The following SGK1 variants were observed in gnomAD, a reference collection of about 807,000 sequenced individuals.
SGK1 encodes serine/threonine-protein kinase Sgk1.
Under a neutral mutation model 64.2 loss-of-function variants are expected in SGK1, and 26 were observed. The observed-to-expected ratio is 0.40, with a 90% CI of 0.30 to 0.56. The LOEUF is 0.56. Ranked by LOEUF, SGK1 falls within the 20% of genes least tolerant of loss-of-function variation. SGK1 has a pLI of 0.38. For synonymous variants in SGK1, 265 were observed against 239.7 expected, an observed-to-expected ratio of 1.11 and a Z score of -0.98; for missense variants, 519 against 645.6, an observed-to-expected ratio of 0.80 and a Z score of 2.12.
chr6:134,216,910 G>A (rs1474368985), intron 2 of SGK1, among the ~76,000 whole-genome samples: 1 of 152,170 alleles, frequency 6.6e-6, no homozygotes, highest in African/African-American at 2.4e-5. Context: ...ACTCAACAAG[G>A]CACATTTGGG....
intron 2 of SGK1, among the ~76,000 whole-genome samples, chr6:134,220,495 G>C (rs1776073444): frequency 6.6e-6 from 1 of 152,170 alleles, no homozygotes; most frequent in Non-Finnish European, 1.5e-5. Context: ...GCAGTTTAGA[G>C]CATGAGCTCT....
intron 2 of SGK1, among the ~76,000 whole-genome samples, chr6:134,250,639 AT>A: frequency 6.6e-6 from 1 of 152,250 alleles, no homozygotes; most frequent in Admixed American, 6.5e-5. Flanking sequence ...TCAAGGTGAT[AT>A]TAATGGTTTG....
In SGK1 at chr6:134,206,383, A is replaced by ATTTTTTTTT. The variant is rs869072819; in HGVS notation, c.361+964_361+972dup. Among the ~76,000 whole-genome samples the ATTTTTTTTT allele has an allele frequency of 3.0e-3, 49 of 16,550 alleles. 2 individuals are homozygous for ATTTTTTTTT. Among genetic ancestry groups the ATTTTTTTTT allele is most frequent in the South Asian group, 0.012 (4 of 342 alleles). The allele number at this position is 16,550 out of a possible 152,430, so 10.9% of individuals were successfully genotyped here. A position where few individuals can be genotyped will look rare whatever the true frequency, so the allele number is the denominator to read the frequency against. On this transcript the variant is annotated intron_variant, in intron 3 of 13. Transcript: ENST00000367858. The stretch of plus-strand genomic sequence containing the variant: ...TATATATATATATATATATATATAT[A>ATTTTTTTTT]TTTTTTTTTTTTTTTTTTTTTTTTA...
intron 2 of SGK1, among the ~76,000 whole-genome samples, chr6:134,219,674 C>A (rs570372302): frequency 7.1e-6 from 1 of 140,190 alleles, no homozygotes; most frequent in African/African-American, 2.6e-5. Context: ...GCAGGAGAAT[C>A]GCTTGAATGA....
intron 1 of SGK1, chr6:134,298,134 T>A: frequency 7.6e-7 from 1 of 1,319,528 alleles, no homozygotes; most frequent in East Asian, 2.3e-5. Flanking sequence ...TCCTTCTTGA[T>A]GAGGACAGAT....
intron 2 of SGK1, among the ~76,000 whole-genome samples, chr6:134,241,052 T>TTC (rs1554223735): frequency 1.2e-3 from 35 of 28,070 alleles, no homozygotes; most frequent in African/African-American, 1.9e-3. Flanking sequence ...TTTTTTCTTT[T>TTC]TTTTTTTTTT....
At chr6:134,291,579 G>C (rs1777264690) in intron 1 of SGK1, among the ~76,000 whole-genome samples, 1 of 152,138 alleles carries the variant, frequency 6.6e-6, no homozygotes, top group Admixed American at 6.5e-5. Context: ...CTGTCTCCCT[G>C]TTCTGCCTCA....
chr6:134,238,961 T>A (rs960335907), intron 2 of SGK1, among the ~76,000 whole-genome samples: 2 of 152,220 alleles, frequency 1.3e-5, no homozygotes, highest in African/African-American at 2.4e-5. Flanking sequence ...GTAAATATTC[T>A]AAAATACTTC....
At chr6:134,271,927 C>T (rs1486470920) in intron 1 of SGK1, among the ~76,000 whole-genome samples, 4 of 146,758 alleles carry the variant, frequency 2.7e-5, no homozygotes, top group African/African-American at 9.8e-5. Context: ...CTGCAACCTC[C>T]ACCTCCCAGG....
intron 1 of SGK1, among the ~76,000 whole-genome samples, chr6:134,306,018 G>A (rs1175239393): frequency 6.6e-6 from 1 of 152,172 alleles, no homozygotes; most frequent in East Asian, 1.9e-4. Context: ...AGAGAAGGAA[G>A]GTCCTTGTCC....
chr6:134,217,004 T>A (rs1413782613), intron 2 of SGK1, among the ~76,000 whole-genome samples: 1 of 152,174 alleles, frequency 6.6e-6, no homozygotes, highest in East Asian at 1.9e-4. Context: ...GCTTTAAATG[T>A]CAATGTGTTC....
chr6:134,175,623 G>C, intron 3 of SGK1: 3 of 1,537,248 alleles, frequency 2.0e-6, no homozygotes, highest in Non-Finnish European at 2.6e-6. Context: ...GCAGGGACTC[G>C]AGCCGGGCTC....
At chr6:134,250,040 C>A (rs9373086) in intron 2 of SGK1, among the ~76,000 whole-genome samples, 14,805 of 152,170 alleles carry the variant, frequency 0.097, 1,130 homozygotes, top group East Asian at 0.39. Context: ...ATGCCAAGTT[C>A]CTGAATTTTT....
intron 2 of SGK1, among the ~76,000 whole-genome samples, chr6:134,225,731 T>C (rs1286847004): frequency 6.6e-6 from 1 of 152,004 alleles, no homozygotes; most frequent in African/African-American, 2.4e-5. Flanking sequence ...CTTTAAAATC[T>C]TATCCAGTCT....
intron 3 of SGK1, among the ~76,000 whole-genome samples, chr6:134,191,271 A>G (rs547961176): frequency 6.6e-6 from 1 of 152,330 alleles, no homozygotes; most frequent in Admixed American, 6.5e-5. Context: ...TCATGAGCAG[A>G]CTTTTTACCA....
chr6:134,302,552 A>G (rs1194872827), intron 1 of SGK1, among the ~76,000 whole-genome samples: 2 of 152,178 alleles, frequency 1.3e-5, no homozygotes, highest in African/African-American at 4.8e-5. Flanking sequence ...AGACCGACTC[A>G]TCAGTAAAAT....
rs1307522797 is a variant in SGK1, at chr6:134,317,951, G to A, written c.-491C>T. On this transcript the variant is annotated 5_prime_UTR_variant, in exon 1 of 14. Transcript: ENST00000367858. ...GGGAGCTGTAGTTAAGCAGCTGAGAGAAGGAGTAAGAAAGAGCAGAAGCCA... is the reference window on the plus strand; with the variant it reads ...GGGAGCTGTAGTTAAGCAGCTGAGAAAAGGAGTAAGAAAGAGCAGAAGCCA... 1 of 154,068 alleles carries A rather than the reference G, an allele frequency of 6.5e-6. No individual in the cohort carries two copies. Among genetic ancestry groups the A allele is most frequent in the Non-Finnish European group, 1.4e-5 (1 of 69,170 alleles). The allele number at this position is 154,068 out of a possible 1,614,324, so 9.5% of individuals were successfully genotyped here. A position where few individuals can be genotyped will look rare whatever the true frequency, so the allele number is the denominator to read the frequency against.
At chr6:134,303,115 C>T (rs1777483018) in intron 1 of SGK1, among the ~76,000 whole-genome samples, 1 of 151,982 alleles carries the variant, frequency 6.6e-6, no homozygotes, top group African/African-American at 2.4e-5. Context: ...GCTTAGAGGC[C>T]AGGCACAGTG....
chr6:134,175,707 G>C (rs1775214512), intron 3 of SGK1: 2 of 1,407,468 alleles, frequency 1.4e-6, no homozygotes, highest in African/African-American at 3.0e-5. Context: ...CGACCGGCGA[G>C]CACTGACGTT....
Sources: allele counts gnomAD v4.1 joint callset (sites outside exome capture counted in the v4.1 genomes callset), GRCh38; gene constraint gnomAD v4.1.1; transcripts MANE v1.5; gene names NCBI Gene and HGNC (gene_info 2026-07-23, HGNC 2026-07-21).